Variants in RAI1 observed in about 807,000 individuals in gnomAD.
RAI1 encodes retinoic acid-induced protein 1.
A neutral mutation model predicts 123.8 loss-of-function variants in RAI1; 9 were observed. That is an observed-to-expected ratio of 0.07 (90% CI 0.04 to 0.13). RAI1 has a LOEUF of 0.13. RAI1 is among the 10% of genes least tolerant of loss of function. The pLI, the probability that RAI1 is intolerant of heterozygous loss-of-function variation, is 1.00. For missense variants in RAI1, 2,256 were observed against 2,545.8 expected, an observed-to-expected ratio of 0.89 and a Z score of 2.45; for synonymous variants, 1,231 against 1,127.3, an observed-to-expected ratio of 1.09 and a Z score of -1.84.
rs574794559 is a variant in RAI1, at chr17:17,749,205, C to T, written c.-17+25046C>T. 6.6e-5 allele frequency among the ~76,000 whole-genome samples: 10 copies of T among 152,318 alleles called. No homozygotes were observed. The South Asian group carries it at 1.5e-3, about 22-fold the overall frequency. On this transcript the variant is annotated intron_variant, in intron 2 of 5. Transcript: ENST00000353383. Reference sequence around the variant, plus strand: ...AGCTGCCTCCAGGGACAGTCCTGCCCGCCTCCCCAGAGAGCCAGTGCTTCC... The same window carrying T: ...AGCTGCCTCCAGGGACAGTCCTGCCTGCCTCCCCAGAGAGCCAGTGCTTCC...
chr17:17,685,159 C>A lies in RAI1; in HGVS notation c.-149+3366C>A, dbSNP rs910564448. 2.0e-5 allele frequency: 3 copies of A among 152,278 alleles called. No individual in the cohort carries two copies. Among genetic ancestry groups the A allele is most frequent in the Non-Finnish European group, 4.4e-5 (3 of 68,056 alleles). The allele number at this position is 152,278 out of a possible 1,614,324, so 9.4% of individuals were successfully genotyped here. A position where few individuals can be genotyped will look rare whatever the true frequency, so the allele number is the denominator to read the frequency against. ...CATGGGTGTCTTTTTCCTCCCCTATCCAACGTGTGGCTCCACAGGGAGGGA... is the reference window on the plus strand; with the variant it reads ...CATGGGTGTCTTTTTCCTCCCCTATACAACGTGTGGCTCCACAGGGAGGGA... On this transcript the variant is annotated intron_variant, in intron 1 of 5. Coordinates refer to ENST00000353383, the MANE Select transcript of RAI1 (RefSeq NM_030665.4). The surrounding 1 kb of genome is among the most constrained non-coding windows in gnomAD (Gnocchi z 4.0).
intron 1 of RAI1, among the ~76,000 whole-genome samples, chr17:17,689,932 C>G (rs1467246323): frequency 6.6e-6 from 1 of 152,110 alleles, no homozygotes; most frequent in African/African-American, 2.4e-5. Flanking sequence ...AAAGGGGTGC[C>G]AAAGCCCCCC....
intron 2 of RAI1, 26 bp from the exon 3 acceptor site, chr17:17,792,907 C>CCCTCCCTT (rs2032073238): frequency 1.0e-6 from 1 of 986,366 alleles, no homozygotes; most frequent in Non-Finnish European, 1.6e-6. Flanking sequence ...TTCCCTCCCT[C>CCCTCCCTT]CCTCCCTTCC....
rs1382828277 is a variant in RAI1 at position 17,793,116 on chromosome 17, C to T, written c.168C>T (p.Tyr56=). Reference sequence around the variant, plus strand: ...AGGACTATTATAACCCGCAGCCTTACCCGAGCTATGAGGGTGGCGCTGGCA... The same window carrying T: ...AGGACTATTATAACCCGCAGCCTTATCCGAGCTATGAGGGTGGCGCTGGCA... ...LAKDYYNPQP[Y]PSYEGGAGTP... The change falls in exon 3 of 6, where the codon TAC becomes TAT. Residue 56 remains tyrosine (Y), a synonymous_variant. Transcript: ENST00000353383. The T allele has an allele frequency of 4.3e-6, 7 of 1,613,940 alleles. No individual in the cohort carries two copies. The African/African-American group carries it at 5.3e-5, about 12-fold the overall frequency.
intron 2 of RAI1, among the ~76,000 whole-genome samples, chr17:17,750,845 CCA>C (rs1171735814): frequency 6.6e-6 from 1 of 152,210 alleles, no homozygotes; most frequent in Non-Finnish European, 1.5e-5. Context: ...GCGGGCTGAG[CCA>C]CAGTTGCTGG....
intron 2 of RAI1, among the ~76,000 whole-genome samples, chr17:17,745,429 G>GTTTGTT (rs1361647049): frequency 1.3e-5 from 2 of 151,194 alleles, no homozygotes; most frequent in Admixed American, 6.6e-5. Flanking sequence ...GTGTGTGTGT[G>GTTTGTT]TTTGTTTTTG....
chr17:17,721,712 G>A (rs1462139267), intron 1 of RAI1, among the ~76,000 whole-genome samples: 4 of 152,206 alleles, frequency 2.6e-5, no homozygotes, highest in South Asian at 2.1e-4. Context: ...TACACAATGC[G>A]CATCTCCTGG....
intron 4 of RAI1, among the ~76,000 whole-genome samples, chr17:17,805,052 G>A (rs990627178): frequency 1.6e-4 from 25 of 152,016 alleles, no homozygotes; most frequent in African/African-American, 6.0e-4. Context: ...TTGTAGAGAT[G>A]GGGTTTCACT....
At position 17,798,374 on chromosome 17, in the gene RAI1, A is replaced by G. The variant is rs2032344299; in HGVS notation, c.5426A>G (p.Lys1809Arg). ...ADKGRKHECS[K>R]EAPAEPGGEA... The stretch of plus-strand genomic sequence containing the variant: ...AAGGGTCGCAAACATGAGTGCAGCA[A>G]GGAGGCTCCGGCAGAGCCCGGCGGG... Residue 1809 changes from lysine (K) to arginine (R), a missense_variant, in exon 3 of 6, where the codon AAG (lysine) becomes AGG (arginine). Lys to Arg is a conservative substitution (Grantham distance 26). Coordinates refer to ENST00000353383, the MANE Select transcript of RAI1 (RefSeq NM_030665.4). 6.2e-7 allele frequency: 1 copy of G among 1,609,216 alleles called. No individual in the cohort carries two copies. Among genetic ancestry groups the G allele is most frequent in the Non-Finnish European group, 8.5e-7 (1 of 1,178,266 alleles).
rs201515899 is a variant in RAI1 at position 17,797,557 on chromosome 17, C to T, written c.4609C>T (p.Arg1537Trp). 19 of 1,614,038 alleles carry T rather than the reference C, an allele frequency of 1.2e-5. No homozygotes were observed. The highest frequency in any genetic ancestry group is 3.3e-5 in the South Asian group (3 of 91,084). ...GHTNYSSYSK[R>W]KRLTRGRAKN... ...CACCAACTACAGCAGCTATTCCAAG[C>T]GGAAGCGCCTCACTCGGGGCCGGGC... is the stretch of plus-strand genomic sequence containing the variant. The change falls in exon 3 of 6, where the codon CGG (arginine) becomes TGG (tryptophan). Residue 1537 changes from arginine (R) to tryptophan (W), a missense_variant. By Grantham distance (101) the Arg-to-Trp change is moderately radical. Transcript: ENST00000353383.
intron 1 of RAI1, among the ~76,000 whole-genome samples, chr17:17,693,090 G>A (rs934749731): frequency 2.0e-5 from 3 of 152,206 alleles, no homozygotes; most frequent in South Asian, 2.1e-4. Context: ...CCATGGGTGC[G>A]CACATCTGCA....
At chr17:17,757,325 G>GGGTTT (rs1441622925) in intron 2 of RAI1, among the ~76,000 whole-genome samples, 1 of 152,240 alleles carries the variant, frequency 6.6e-6, no homozygotes. Flanking sequence ...TGCGGAGGCA[G>GGGTTT]GAGAGAGCTC....
chr17:17,760,243 C>T (rs1304628254), intron 2 of RAI1, among the ~76,000 whole-genome samples: 1 of 152,180 alleles, frequency 6.6e-6, no homozygotes, highest in Non-Finnish European at 1.5e-5. Flanking sequence ...TTACTGATAG[C>T]CCCCACTTTA....
At chr17:17,752,244 A>C (rs997026853) in intron 2 of RAI1, among the ~76,000 whole-genome samples, 4 of 152,124 alleles carry the variant, frequency 2.6e-5, no homozygotes, top group African/African-American at 9.7e-5. Context: ...ACAGCGCCCC[A>C]GACTACTCGT....
chr17:17,793,177 A>C lies in RAI1; in HGVS notation c.229A>C (p.Lys77Gln). Reference sequence around the variant, plus strand: ...CACTGCAGCCGCGGTGGCCGCCGACAAGTACCACCGAGGCAGCAAGGCCCT... The same window carrying C: ...CACTGCAGCCGCGGTGGCCGCCGACCAGTACCACCGAGGCAGCAAGGCCCT... ...SGTAAAVAAD[K>Q]YHRGSKALPT... Residue 77 changes from lysine (K) to glutamine (Q), a missense_variant, in exon 3 of 6, where the codon AAG (lysine) becomes CAG (glutamine). Physicochemically the swap from Lys to Gln is moderately conservative, Grantham distance 53. This residue lies in a region of RAI1 where 336 missense variants were observed against 349.8 expected (regional missense o/e 0.96). Coordinates refer to ENST00000353383, the MANE Select transcript of RAI1 (RefSeq NM_030665.4). The C allele has an allele frequency of 6.2e-7, 1 of 1,613,158 alleles. No homozygotes were observed. The highest frequency in any genetic ancestry group is 1.1e-5 in the South Asian group (1 of 91,012).
intron 1 of RAI1, among the ~76,000 whole-genome samples, chr17:17,718,800 G>C (rs1915790845): frequency 6.6e-6 from 1 of 152,162 alleles, no homozygotes; most frequent in Admixed American, 6.5e-5. Flanking sequence ...TCCTGGTACA[G>C]TCATTAAAAA....
At chr17:17,780,728 C>A (rs1284391092) in intron 2 of RAI1, among the ~76,000 whole-genome samples, 3 of 148,372 alleles carry the variant, frequency 2.0e-5, no homozygotes, top group African/African-American at 7.9e-5. Context: ...TGCAGTTACA[C>A]GGCTCCAGCA....
intron 2 of RAI1, among the ~76,000 whole-genome samples, chr17:17,762,737 A>G: frequency 6.6e-6 from 1 of 151,964 alleles, no homozygotes; most frequent in Non-Finnish European, 1.5e-5. Context: ...GCTCAGTAGA[A>G]CCAAGAGCCC....
chr17:17,725,749 G>T (rs1314228294), intron 2 of RAI1, among the ~76,000 whole-genome samples: 1 of 151,998 alleles, frequency 6.6e-6, no homozygotes, highest in African/African-American at 2.4e-5. Flanking sequence ...TTTCTTCCTG[G>T]GGTAGAGAGC....
Sources: allele counts gnomAD v4.1 joint callset (sites outside exome capture counted in the v4.1 genomes callset), GRCh38; gene constraint gnomAD v4.1.1; regional missense constraint gnomAD v4.1.1; non-coding constraint Gnocchi (gnomAD v3.1); transcripts MANE v1.5; gene names NCBI Gene and HGNC (gene_info 2026-07-23, HGNC 2026-07-21).